UNC13A: variants seen among roughly 807,000 people sequenced by gnomAD.
UNC13A encodes the protein unc-13 homolog A.
A neutral mutation model predicts 219.7 loss-of-function variants in UNC13A; 61 were observed. That is an observed-to-expected ratio of 0.28 (90% CI 0.23 to 0.34). UNC13A has a LOEUF of 0.34. Among genes scored for constraint, UNC13A ranks in the 10% least tolerant of loss-of-function variants. The pLI, the probability that UNC13A is intolerant of heterozygous loss-of-function variation, is 1.00. For missense variants in UNC13A, 1,476 were observed against 2,270.3 expected, an observed-to-expected ratio of 0.65 and a Z score of 7.11; for synonymous variants, 920 against 884.6, an observed-to-expected ratio of 1.04 and a Z score of -0.71.
At chr19:17,666,881 C>CGAGAGAGA (rs10535025) in intron 6 of UNC13A, among the ~76,000 whole-genome samples, 177 bp from the exon 7 acceptor site, 21 of 115,176 alleles carry the variant, frequency 1.8e-4, no homozygotes, top group African/African-American at 8.3e-4. Context: ...CACACACACA[C>CGAGAGAGA]GAGAGAGAGA....
rs988340416 is a variant in UNC13A, at chr19:17,647,505, G to C, written c.1817-13C>G. 2 of 1,608,718 alleles carry C rather than the reference G, an allele frequency of 1.2e-6. No individual in the cohort carries two copies. The highest frequency in any genetic ancestry group is 2.7e-5 in the African/African-American group (2 of 74,798). On this transcript the variant is annotated splice_polypyrimidine_tract_variant and intron_variant, in intron 16 of 43. Coordinates refer to ENST00000519716, the MANE Select transcript of UNC13A (RefSeq NM_001080421.3). Reference sequence around the variant, plus strand: ...TTCTCCGCAGCCCCTGAGGACGCCCGAGGCCGGCGCTGACCCCAGCGCGCC... The same window carrying C: ...TTCTCCGCAGCCCCTGAGGACGCCCCAGGCCGGCGCTGACCCCAGCGCGCC...
In UNC13A at chr19:17,639,594, G is replaced by A. The variant is rs116083908; in HGVS notation, c.2857-69C>T. 5.3e-6 allele frequency: 8 copies of A among 1,522,024 alleles called. No homozygotes were observed. In the East Asian group the frequency reaches 1.4e-4, roughly 26 times the overall value. 94.3% of individuals were successfully genotyped at this position (1,522,024 alleles called of 1,614,324 possible). A position where few individuals can be genotyped will look rare whatever the true frequency, so the allele number is the denominator to read the frequency against. On this transcript the variant is annotated intron_variant, in intron 23 of 43. Coordinates refer to ENST00000519716, the MANE Select transcript of UNC13A (RefSeq NM_001080421.3). ...GGGGAGGATGGGAGACTGCTTTTCA[G>A]GGGGATACAAAGGCTCCCCGGTTTC...
intron 34 of UNC13A, 26 bp from the exon 35 acceptor site, chr19:17,624,978 G>A (rs761095980): frequency 3.1e-6 from 5 of 1,606,662 alleles, no homozygotes; most frequent in Non-Finnish European, 4.3e-6. Context: ...AGGTCTGAGA[G>A]AGGGCCCAGC....
chr19:17,620,754 C>T (rs1324961034), intron 37 of UNC13A, 32 bp from the exon 38 acceptor site: 5 of 1,611,702 alleles, frequency 3.1e-6, no homozygotes, highest in Non-Finnish European at 4.2e-6. Flanking sequence ...GGTCAGAGTT[C>T]TGGTGACTGT....
intron 17 of UNC13A, among the ~76,000 whole-genome samples, chr19:17,646,519 C>A (rs1819901450): frequency 6.6e-6 from 1 of 152,114 alleles, no homozygotes; most frequent in Non-Finnish European, 1.5e-5. Flanking sequence ...GCCTCAGCCT[C>A]CCAAAGTGCT....
rs140141294 is a variant in UNC13A at position 17,672,466 on chromosome 19, G to A, written c.182C>T (p.Thr61Met). The A allele has an allele frequency of 2.8e-3, 4,508 of 1,613,748 alleles. 25 individuals are homozygous for A. The highest frequency in any genetic ancestry group is 9.2e-3 in the Middle Eastern group (56 of 6,058). ...GAGACCCTTATTCCACACCTCCACC[G>A]TCAGTCCCAAATCCAGACGGTTAAT... ...FEINRLDLGL[T>M]VEVWNKGLIW... The change falls in exon 4 of 44, where the codon ACG becomes ATG. Residue 61 changes from threonine to methionine, a missense_variant. By Grantham distance (81) the Thr-to-Met change is moderately conservative. Coordinates refer to ENST00000519716, the MANE Select transcript of UNC13A (RefSeq NM_001080421.3).
chr19:17,682,923 G>A (rs1443426636), intron 1 of UNC13A, among the ~76,000 whole-genome samples: 5 of 152,098 alleles, frequency 3.3e-5, no homozygotes, highest in Admixed American at 2.0e-4. Context: ...AAATTAGCTG[G>A]GCATGATGGT....
intron 1 of UNC13A, among the ~76,000 whole-genome samples, chr19:17,678,745 C>T (rs11672835): frequency 0.21 from 30,862 of 150,410 alleles, 3,682 homozygotes; most frequent in Middle Eastern, 0.32. Flanking sequence ...AGCCTGCAGG[C>T]GTGGGGACTC....
intron 42 of UNC13A, 142 bp downstream of exon 42, chr19:17,611,621 T>C (rs2076604509): frequency 1.5e-6 from 1 of 654,444 alleles, no homozygotes. Flanking sequence ...GATCCAGCCA[T>C]GCCTGAAGGT....
Position 17,606,025 on chromosome 19 carries a change from G to C in UNC13A, c.*29C>G. ...TCCCCGCCCAGCGCCCTCCGCGCAG[G>C]CGCAGTGCCGCTCGGCCGACCGCCC... is the stretch of plus-strand genomic sequence containing the variant. On this transcript the variant is annotated 3_prime_UTR_variant, in exon 44 of 44. Coordinates refer to ENST00000519716, the MANE Select transcript of UNC13A (RefSeq NM_001080421.3). The C allele has an allele frequency of 6.9e-7, 1 of 1,441,988 alleles. No individual in the cohort carries two copies. Among genetic ancestry groups the C allele is most frequent in the Admixed American group, 3.1e-5 (1 of 31,874 alleles). 89.3% of individuals were successfully genotyped at this position (1,441,988 alleles called of 1,614,324 possible).
intron 12 of UNC13A, among the ~76,000 whole-genome samples, chr19:17,650,391 G>A (rs373661279): frequency 3.3e-5 from 5 of 152,042 alleles, no homozygotes; most frequent in African/African-American, 4.8e-5. Context: ...GTGCATGCCT[G>A]TAGTCCCAGC....
chr19:17,626,530 C>T, intron 34 of UNC13A, 103 bp downstream of exon 34: 3 of 1,312,584 alleles, frequency 2.3e-6, no homozygotes, highest in Non-Finnish European at 3.0e-6. Flanking sequence ...CCAGTGACCA[C>T]CCAGCAAACA....
At chr19:17,657,154 T>C (rs2079471948) in intron 9 of UNC13A, among the ~76,000 whole-genome samples, 1 of 152,150 alleles carries the variant, frequency 6.6e-6, no homozygotes, top group Admixed American at 6.6e-5. Context: ...AATCCTACCA[T>C]GGCTCCCTAG....
intron 30 of UNC13A, among the ~76,000 whole-genome samples, chr19:17,629,592 C>T (rs76484324): frequency 0.024 from 3,632 of 152,156 alleles, 152 homozygotes; most frequent in African/African-American, 0.084. Context: ...CACAAGATGA[C>T]CTGATCTCAA....
rs965737686 is a variant in UNC13A at position 17,640,020 on chromosome 19, A to G, written c.2788-112T>C. On this transcript the variant is annotated intron_variant, in intron 22 of 43. Coordinates refer to ENST00000519716, the MANE Select transcript of UNC13A (RefSeq NM_001080421.3). ...CTCATCCACCACCCTCATAATGTCC[A>G]TTTCCATTCTATGGCATTTTTTTTT... The G allele has an allele frequency of 2.8e-6, 3 of 1,067,502 alleles. No individual in the cohort carries two copies. In the African/African-American group the frequency reaches 4.8e-5, roughly 17 times the overall value. 66.1% of individuals were successfully genotyped at this position (1,067,502 alleles called of 1,614,324 possible). A position where few individuals can be genotyped will look rare whatever the true frequency, so the allele number is the denominator to read the frequency against.
intron 6 of UNC13A, among the ~76,000 whole-genome samples, chr19:17,667,292 G>A (rs1339174077): frequency 1.3e-5 from 2 of 151,906 alleles, no homozygotes; most frequent in African/African-American, 2.4e-5. Flanking sequence ...AGACATTGGG[G>A]ACTCCAGAAG....
chr19:17,680,879 C>CTTTTTTTTTTTTTTT (rs2079996579), intron 1 of UNC13A, among the ~76,000 whole-genome samples: 1 of 80,196 alleles, frequency 1.2e-5, no homozygotes, highest in African/African-American at 4.8e-5. Context: ...CTTTTTTTTT[C>CTTTTTTTTTTTTTTT]TTTTCTTTTC....
chr19:17,610,225 G>C lies in UNC13A; in HGVS notation c.4652-126C>G, dbSNP rs2076587541. The C allele has an allele frequency of 5.4e-6, 7 of 1,299,272 alleles. No individual in the cohort carries two copies. The Admixed American group carries it at 1.3e-4, about 25-fold the overall frequency. 80.5% of individuals were successfully genotyped at this position (1,299,272 alleles called of 1,614,324 possible). A position where few individuals can be genotyped will look rare whatever the true frequency, so the allele number is the denominator to read the frequency against. On this transcript the variant is annotated intron_variant, in intron 42 of 43. Transcript: ENST00000519716. ...TCACGCTTGTAATCCCACCACTTCG[G>C]GAGGCCAAGGCGGGTGGATCACTTG...
intron 31 of UNC13A, 128 bp downstream of exon 31, chr19:17,629,112 C>A: frequency 1.3e-6 from 1 of 751,246 alleles, no homozygotes. Flanking sequence ...AACACACAGA[C>A]AATCCAGTCA....
Sources: allele counts gnomAD v4.1 joint callset (sites outside exome capture counted in the v4.1 genomes callset), GRCh38; gene constraint gnomAD v4.1.1; transcripts MANE v1.5; gene names NCBI Gene and HGNC (gene_info 2026-07-23, HGNC 2026-07-21).